The following CUX2 variants were observed in gnomAD, a reference collection of about 807,000 sequenced individuals.
The protein encoded by CUX2 is homeobox protein cut-like 2.
CUX2 carries 40 observed loss-of-function variants against 144.8 expected under a neutral mutation model. The ratio of observed to expected loss-of-function variants is 0.28; its 90% CI spans 0.21 to 0.36. CUX2 has a LOEUF of 0.36. CUX2 is among the 10% of genes least tolerant of loss of function. CUX2 has a pLI of 1.00. For synonymous variants in CUX2, 827 were observed against 875.6 expected, an observed-to-expected ratio of 0.94 and a Z score of 0.98; for missense variants, 1,615 against 1,994.0, an observed-to-expected ratio of 0.81 and a Z score of 3.62.
At chr12:111,069,776 A>T (rs1191630369) in intron 1 of CUX2, among the ~76,000 whole-genome samples, 3 of 152,062 alleles carry the variant, frequency 2.0e-5, no homozygotes, top group African/African-American at 7.2e-5. Flanking sequence ...TCTCATTTTT[A>T]CCTTAAATAC....
chr12:111,140,465 C>G (rs987223565), intron 1 of CUX2, among the ~76,000 whole-genome samples: 2 of 152,228 alleles, frequency 1.3e-5, no homozygotes, highest in African/African-American at 4.8e-5. Context: ...AATATTAGTA[C>G]AGAAGATAAT....
chr12:111,128,299 A>G (rs1042236473), intron 1 of CUX2, among the ~76,000 whole-genome samples: 1 of 152,174 alleles, frequency 6.6e-6, no homozygotes. Context: ...TCCTTCAGGG[A>G]TGTCCCAGGA....
intron 1 of CUX2, among the ~76,000 whole-genome samples, chr12:111,121,259 C>T (rs768136775): frequency 3.2e-4 from 48 of 151,718 alleles, no homozygotes; most frequent in African/African-American, 3.1e-4. Flanking sequence ...AGAGTAGCAG[C>T]GAACTCGGTC....
At chr12:111,245,864 TC>T (rs1883256001) in intron 3 of CUX2, among the ~76,000 whole-genome samples, 1 of 151,752 alleles carries the variant, frequency 6.6e-6, no homozygotes, top group African/African-American at 2.4e-5. Context: ...AGTTGCAACC[TC>T]AGTTACCCAC....
intron 1 of CUX2, among the ~76,000 whole-genome samples, chr12:111,188,290 A>ATGCAGTGTGGAGGAGGAGCAGG (rs1261800606): frequency 1.3e-5 from 2 of 152,216 alleles, no homozygotes; most frequent in African/African-American, 2.4e-5. Context: ...GAAGAGGACG[A>ATGCAGTGTGGAGGAGGAGCAGG]TGCAGTGTGG....
intron 4 of CUX2, among the ~76,000 whole-genome samples, chr12:111,280,351 TC>T (rs762232837): frequency 6.6e-6 from 1 of 152,026 alleles, no homozygotes. Flanking sequence ...AAGGCTGAGA[TC>T]GAAGTCATGC....
chr12:111,299,840 C>A (rs1205290689), intron 9 of CUX2, among the ~76,000 whole-genome samples: 1 of 152,186 alleles, frequency 6.6e-6, no homozygotes, highest in Non-Finnish European at 1.5e-5. Flanking sequence ...GTTCTCCTTC[C>A]AGAGATGGTC....
Position 111,338,270 on chromosome 12 carries a change from C to T in CUX2, c.3197-16C>T. ...CCAGCCTCGGGTAACAGATTGCTCC[C>T]CTCCCCTATCCCCAGGGCAGCGGCT... is the stretch of plus-strand genomic sequence containing the variant. On this transcript the variant is annotated splice_polypyrimidine_tract_variant and intron_variant, in intron 19 of 21. Transcript: ENST00000261726. 6.3e-7 allele frequency: 1 copy of T among 1,588,998 alleles called. No individual in the cohort carries two copies. The highest frequency in any genetic ancestry group is 8.6e-7 in the Non-Finnish European group (1 of 1,165,918).
intron 3 of CUX2, among the ~76,000 whole-genome samples, chr12:111,226,409 A>G (rs1216036830): frequency 6.6e-6 from 1 of 152,204 alleles, no homozygotes; most frequent in Non-Finnish European, 1.5e-5. Context: ...TTAAGAACCC[A>G]CCAAAGCATT....
intron 1 of CUX2, among the ~76,000 whole-genome samples, chr12:111,168,245 C>T (rs1282231830): frequency 6.6e-6 from 1 of 152,218 alleles, no homozygotes; most frequent in East Asian, 1.9e-4. Context: ...TGTGTTCACA[C>T]ATCCTTGATG....
At chr12:111,243,672 A>T (rs1883141546) in intron 3 of CUX2, among the ~76,000 whole-genome samples, 1 of 151,634 alleles carries the variant, frequency 6.6e-6, no homozygotes, top group Admixed American at 6.6e-5. Flanking sequence ...TCTGGCTAAG[A>T]TGTACCTCTT....
chr12:111,320,329 A>G lies in CUX2; in HGVS notation c.2320A>G (p.Lys774Glu), dbSNP rs1376196285. ...PAAFVQSIIR[K>E]VKSEIGDAGY... ...CGCCTTCGTGCAGAGCATCATCCGC[A>G]AGGTCAAGTCCGAGATCGGCGACGC... Residue 774 changes from lysine to glutamate, a missense_variant, in exon 17 of 22, where the codon AAG (lysine) becomes GAG (glutamate). Around this residue, in one of 12 missense-constraint regions of CUX2, gnomAD observed 390 missense variants for 387.1 expected, o/e 1.01. Coordinates refer to ENST00000261726, the MANE Select transcript of CUX2 (RefSeq NM_015267.4). This position sits in a 1 kb window ranked among gnomAD's most constrained non-coding sequence, Gnocchi z 8.1. 6.3e-7 allele frequency: 1 copy of G among 1,598,112 alleles called. No homozygotes were observed.
At position 111,263,219 on chromosome 12, in the gene CUX2, C is replaced by T. The variant is rs1884216464; in HGVS notation, c.223-542C>T. 6.6e-6 allele frequency among the ~76,000 whole-genome samples: 1 copy of T among 152,092 alleles called. No individual in the cohort carries two copies. Among genetic ancestry groups the T allele is most frequent in the South Asian group, 2.1e-4 (1 of 4,824 alleles). The stretch of plus-strand genomic sequence containing the variant: ...CAGGTGCGGTGGTGGCCTGTAATCC[C>T]GGCACTTTGGGAGGCCGAGGCAGGG... On this transcript the variant is annotated intron_variant, in intron 3 of 21. Transcript: ENST00000261726. This position sits in a 1 kb window ranked among gnomAD's most constrained non-coding sequence, Gnocchi z 4.0.
chr12:111,200,353 AAGAT>A (rs1880503307), intron 1 of CUX2, among the ~76,000 whole-genome samples: 1 of 152,170 alleles, frequency 6.6e-6, no homozygotes, highest in East Asian at 1.9e-4. Flanking sequence ...AAAATGTAGA[AAGAT>A]AAAATGGGAT....
chr12:111,090,809 G>A (rs981457602), intron 1 of CUX2, among the ~76,000 whole-genome samples: 4 of 152,012 alleles, frequency 2.6e-5, no homozygotes, highest in Non-Finnish European at 5.9e-5. Context: ...GAACAGAGAT[G>A]CTACTTCTCA....
Position 111,293,609 on chromosome 12 carries a change from G to A in CUX2, c.560+40G>A. The A allele has an allele frequency of 6.5e-7, 1 of 1,547,646 alleles. No individual in the cohort carries two copies. Among genetic ancestry groups the A allele is most frequent in the Non-Finnish European group, 8.7e-7 (1 of 1,144,662 alleles). ...GTGGGTGGGAGGGAGGAAGGAATGG[G>A]CAGGGCTCCTGCTGCCCCACCTGGC... On this transcript the variant is annotated intron_variant, in intron 6 of 21. Coordinates refer to ENST00000261726, the MANE Select transcript of CUX2 (RefSeq NM_015267.4). This position sits in a 1 kb window ranked among gnomAD's most constrained non-coding sequence, Gnocchi z 4.5.
intron 1 of CUX2, among the ~76,000 whole-genome samples, chr12:111,050,271 A>G (rs1243864362): frequency 6.6e-6 from 1 of 151,326 alleles, no homozygotes; most frequent in Non-Finnish European, 1.5e-5. Flanking sequence ...GCTGGCCTCT[A>G]ATTATGTTGG....
intron 1 of CUX2, among the ~76,000 whole-genome samples, chr12:111,056,998 G>A (rs1191523599): frequency 2.6e-5 from 4 of 151,760 alleles, no homozygotes; most frequent in Admixed American, 6.6e-5. Flanking sequence ...TGTAACAAGC[G>A]GTGGCCAAGC....
chr12:111,199,755 C>A (rs548687176), intron 1 of CUX2, among the ~76,000 whole-genome samples: 1 of 151,828 alleles, frequency 6.6e-6, no homozygotes, highest in Non-Finnish European at 1.5e-5. Flanking sequence ...TGTGTCCCGG[C>A]GTCCCTGTAT....
Sources: allele counts gnomAD v4.1 joint callset (sites outside exome capture counted in the v4.1 genomes callset), GRCh38; gene constraint gnomAD v4.1.1; regional missense constraint gnomAD v4.1.1; non-coding constraint Gnocchi (gnomAD v3.1); transcripts MANE v1.5; gene names NCBI Gene and HGNC (gene_info 2026-07-23, HGNC 2026-07-21).